Variants in ZNF100 observed in about 807,000 individuals in gnomAD.
ZNF100 encodes the protein zinc finger protein 100 (Y1).
Under a neutral mutation model 15.8 loss-of-function variants are expected in ZNF100, and 12 were observed. That is an observed-to-expected ratio of 0.76 (90% CI 0.49 to 1.23). ZNF100 has a LOEUF of 1.23. Among genes scored for constraint, ZNF100 ranks in the 50% most tolerant of loss-of-function variants. The pLI, the probability that ZNF100 is intolerant of heterozygous loss-of-function variation, is 0.00. For missense variants in ZNF100, 670 were observed against 635.6 expected, an observed-to-expected ratio of 1.05 and a Z score of -0.58; for synonymous variants, 226 against 214.8, an observed-to-expected ratio of 1.05 and a Z score of -0.45.
Position 21,727,770 on chromosome 19 carries a change from G to T in ZNF100, c.542C>A (p.Pro181Gln). 3.1e-6 allele frequency: 5 copies of T among 1,613,818 alleles called. No homozygotes were observed. The highest frequency in any genetic ancestry group is 4.2e-6 in the Non-Finnish European group (5 of 1,179,858). ...AAATGTATGAAAGACTTTTGCAGATGGATCACATTGAAATATGTTGCTCTG... is the reference window on the plus strand; with the variant it reads ...AAATGTATGAAAGACTTTTGCAGATTGATCACATTGAAATATGTTGCTCTG... ...TTQSNIFQCD[P>Q]SAKVFHTFSN... The change falls in exon 5 of 5, where the codon CCA becomes CAA. Residue 181 changes from proline to glutamine, a missense_variant. Coordinates refer to ENST00000358296, the MANE Select transcript of ZNF100 (RefSeq NM_173531.4).
At chr19:21,755,325 GAA>G (rs56192921) in intron 2 of ZNF100, among the ~76,000 whole-genome samples, 38 of 147,036 alleles carry the variant, frequency 2.6e-4, no homozygotes, top group Admixed American at 7.4e-4. Context: ...AAGAAAAAAA[GAA>G]AAAAAAAAAA....
rs189457765 is a variant in ZNF100 at position 21,731,469 on chromosome 19, T to C, written c.323-3480A>G. Among the ~76,000 whole-genome samples, 349 of 152,012 alleles carry C rather than the reference T, an allele frequency of 2.3e-3. 1 individual carries two copies. Among genetic ancestry groups the C allele is most frequent in the African/African-American group, 7.9e-3 (328 of 41,486 alleles). On this transcript the variant is annotated intron_variant, in intron 4 of 4. Transcript: ENST00000358296. ...GACTACAGGTGTGTGCCACCATGCCTGGCTAATTTTTGTATTTTTAGCAGA... is the reference window on the plus strand; with the variant it reads ...GACTACAGGTGTGTGCCACCATGCCCGGCTAATTTTTGTATTTTTAGCAGA...
intron 2 of ZNF100, among the ~76,000 whole-genome samples, chr19:21,747,939 T>C (rs758274391): frequency 6.6e-6 from 1 of 151,378 alleles, no homozygotes; most frequent in East Asian, 2.0e-4. Flanking sequence ...GGGCCCAGCA[T>C]TATTACTTCT....
At chr19:21,735,762 G>C (rs2035998203) in intron 4 of ZNF100, among the ~76,000 whole-genome samples, 1 of 152,014 alleles carries the variant, frequency 6.6e-6, no homozygotes, top group South Asian at 2.1e-4. Flanking sequence ...TCAATTCAAG[G>C]AACACCCAGA....
intron 4 of ZNF100, among the ~76,000 whole-genome samples, chr19:21,737,403 C>T (rs2036027147): frequency 6.6e-6 from 1 of 151,728 alleles, no homozygotes; most frequent in African/African-American, 2.4e-5. Context: ...GGCATGGTGG[C>T]TGGTGCTTAT....
At chr19:21,743,990 T>A in intron 4 of ZNF100, 27 bp downstream of exon 4, 1 of 1,580,660 alleles carries the variant, frequency 6.3e-7, no homozygotes, top group Non-Finnish European at 8.6e-7. Context: ...CACATCTGTG[T>A]CATCTGTTGT....
At chr19:21,738,053 C>A (rs1486378435) in intron 4 of ZNF100, among the ~76,000 whole-genome samples, 1 of 151,762 alleles carries the variant, frequency 6.6e-6, no homozygotes, top group Non-Finnish European at 1.5e-5. Context: ...GAGTTCAAGA[C>A]CAGCCTGGCC....
chr19:21,744,879 T>C, intron 3 of ZNF100, 62 bp downstream of exon 3: 1 of 1,578,344 alleles, frequency 6.3e-7, no homozygotes, highest in Non-Finnish European at 8.5e-7. Flanking sequence ...CCAAAAATCA[T>C]TCCACAAAAA....
chr19:21,749,741 G>A (rs1325005741), intron 2 of ZNF100, among the ~76,000 whole-genome samples: 1 of 152,138 alleles, frequency 6.6e-6, no homozygotes, highest in Non-Finnish European at 1.5e-5. Flanking sequence ...AACTGTAGCA[G>A]GTCACTCACT....
chr19:21,765,843 C>A (rs769813483), intron 1 of ZNF100, 57 bp from the exon 2 acceptor site: 23 of 1,536,232 alleles, frequency 1.5e-5, no homozygotes, highest in Admixed American at 3.4e-5. Flanking sequence ...GCTGACAGAA[C>A]CATGGCGGAT....
chr19:21,726,461 C>T lies in ZNF100; in HGVS notation c.*222G>A. The T allele has an allele frequency of 2.0e-6, 1 of 498,796 alleles. No individual in the cohort carries two copies. Among genetic ancestry groups the T allele is most frequent in the Non-Finnish European group, 3.5e-6 (1 of 284,554 alleles). The allele number at this position is 498,796 out of a possible 1,614,324, so 30.9% of individuals were successfully genotyped here. ...TTCACATTTCTAGGATTTCTCAACACTATGATTTATGTTTTGAAAAGTTTG... is the reference window on the plus strand; with the variant it reads ...TTCACATTTCTAGGATTTCTCAACATTATGATTTATGTTTTGAAAAGTTTG... On this transcript the variant is annotated 3_prime_UTR_variant, in exon 5 of 5. Transcript: ENST00000358296.
chr19:21,741,451 T>G (rs956830389), intron 4 of ZNF100, among the ~76,000 whole-genome samples: 26 of 152,324 alleles, frequency 1.7e-4, no homozygotes, highest in African/African-American at 6.3e-4. Flanking sequence ...CTTGGCTCAC[T>G]GCAACCTCTG....
At chr19:21,730,177 A>T (rs1003410135) in intron 4 of ZNF100, among the ~76,000 whole-genome samples, 2 of 152,154 alleles carry the variant, frequency 1.3e-5, no homozygotes, top group African/African-American at 2.4e-5. Flanking sequence ...ATAGAGACTT[A>T]TTTAAATATT....
At chr19:21,754,142 T>C (rs2036354935) in intron 2 of ZNF100, among the ~76,000 whole-genome samples, 2 of 152,158 alleles carry the variant, frequency 1.3e-5, no homozygotes, top group African/African-American at 4.8e-5. Context: ...TATAGCAATA[T>C]TTCACATCAT....
chr19:21,726,761 T>C lies in ZNF100; in HGVS notation c.1551A>G (p.Glu517=). 5.0e-6 allele frequency: 8 copies of C among 1,613,340 alleles called. No homozygotes were observed. The highest frequency in any genetic ancestry group is 5.1e-6 in the Non-Finnish European group (6 of 1,179,580). ...HTGEKSYKWE[E]CGKDFNQSLS... ...GGGACTGGTTAAAGTCTTTACCACA[T>C]TCTTCCCATTTGTAAGATTTCTCTC... The change falls in exon 5 of 5, where the codon GAA becomes GAG. Residue 517 remains glutamate (E), a synonymous_variant. Coordinates refer to ENST00000358296, the MANE Select transcript of ZNF100 (RefSeq NM_173531.4).
intron 2 of ZNF100, among the ~76,000 whole-genome samples, chr19:21,756,890 T>C (rs2036400624): frequency 6.6e-6 from 1 of 152,136 alleles, no homozygotes; most frequent in Non-Finnish European, 1.5e-5. Context: ...CAAAAAGAGA[T>C]GCATAGAAAA....
At position 21,727,922 on chromosome 19, in the gene ZNF100, C is replaced by T. The variant is rs573156515; in HGVS notation, c.390G>A (p.Ala130=). Residue 130 remains alanine, a synonymous_variant, in exon 5 of 5, where the codon GCG becomes GCA. Coordinates refer to ENST00000358296, the MANE Select transcript of ZNF100 (RefSeq NM_173531.4). ...CATATTTTCCATATTTTTTCAGAAT[C>T]GCTTCTTGAAAAGAATCTTTAATGT... The part of the protein sequence containing the change: ...EQDIKDSFQE[A]ILKKYGKYGH... 57 of 1,592,188 alleles carry T rather than the reference C, an allele frequency of 3.6e-5. No homozygotes were observed. Among genetic ancestry groups the T allele is most frequent in the East Asian group, 1.6e-4 (7 of 44,676 alleles).
At chr19:21,728,129 T>G in intron 4 of ZNF100, 140 bp from the exon 5 acceptor site, 1 of 838,212 alleles carries the variant, frequency 1.2e-6, no homozygotes, top group Non-Finnish European at 1.6e-6. Context: ...GACATATAAA[T>G]GTAAAAAAAA....
At chr19:21,749,976 A>G (rs1478604501) in intron 2 of ZNF100, among the ~76,000 whole-genome samples, 1 of 152,242 alleles carries the variant, frequency 6.6e-6, no homozygotes, top group African/African-American at 2.4e-5. Flanking sequence ...TACAGCAAAC[A>G]GACTACAATC....
Sources: allele counts gnomAD v4.1 joint callset (sites outside exome capture counted in the v4.1 genomes callset), GRCh38; gene constraint gnomAD v4.1.1; transcripts MANE v1.5; gene names NCBI Gene and HGNC (gene_info 2026-07-23, HGNC 2026-07-21).